The following NCOA4 variants were observed in gnomAD, a reference collection of about 807,000 sequenced individuals.
The protein encoded by NCOA4 is 70 kDa AR-activator.
A neutral mutation model predicts 69.5 loss-of-function variants in NCOA4; 31 were observed. That is an observed-to-expected ratio of 0.45 (90% confidence interval 0.34 to 0.60). The LOEUF (loss-of-function observed/expected upper bound fraction) is 0.60, where lower values mean the gene tolerates loss of function less well. NCOA4 is among the 20% of genes least tolerant of loss of function. The pLI is 0.02. For synonymous variants in NCOA4, 228 were observed against 252.4 expected (o/e 0.90, Z 0.92); for missense variants, 600 against 719.2 (o/e 0.83, Z 1.90).
chr10:46,027,372 G>T lies in NCOA4; in HGVS notation c.-15+3154C>A. On this transcript the variant is annotated intron_variant, in intron 1 of 9. Transcript: ENST00000581486. ...ATGATTTAACAATCAAAGAAGATAA[G>T]CTAAGGACAATATGGCAGCTCCTCT... 4 of 1,464,234 alleles carry T rather than the reference G, an allele frequency of 2.7e-6. No individual in the cohort carries two copies. The South Asian group carries it at 3.7e-5, about 14-fold the overall frequency. The allele number at this position is 1,464,234 out of a possible 1,614,324, so 90.7% of individuals were successfully genotyped here.
In NCOA4 at chr10:46,013,595, A is replaced by G; in HGVS notation, c.525T>C (p.Ile175=). 3 of 1,613,624 alleles carry G rather than the reference A, an allele frequency of 1.9e-6. No individual in the cohort carries two copies. The highest frequency in any genetic ancestry group is 2.2e-5 in the South Asian group (2 of 91,012). Residue 175 remains isoleucine (I), a synonymous_variant, in exon 6 of 10, where the codon ATT becomes ATC. Transcript: ENST00000581486. ...AGCCTCTCTTCTCCAGGAAGGGCCC[A>G]ATATTTGCTGAACTAGCATGAGCCA... is the stretch of plus-strand genomic sequence containing the variant. ...HLMAHASSAN[I]GPFLEKRGCI...
chr10:46,028,915 A>G (rs562627890), intron 1 of NCOA4, among the ~76,000 whole-genome samples: 2 of 152,214 alleles, frequency 1.3e-5, no homozygotes, highest in South Asian at 4.1e-4. Flanking sequence ...GGAAAGTATT[A>G]TAAAACACTA....
Position 46,005,217 on chromosome 10 carries a change from C to T in NCOA4, c.*1375G>A, listed in dbSNP as rs1472586221. ...TTGTAAAATACAGTGTGTTTGGCCT[C>T]AAGAAACTACAGAGCTGCAACTCAA... On this transcript the variant is annotated 3_prime_UTR_variant, in exon 10 of 10. Transcript: ENST00000581486. 1 of 211,822 alleles carries T rather than the reference C, an allele frequency of 4.7e-6. No individual in the cohort carries two copies. Among genetic ancestry groups the T allele is most frequent in the Non-Finnish European group, 9.6e-6 (1 of 104,240 alleles). 13.1% of individuals were successfully genotyped at this position (211,822 alleles called of 1,614,324 possible). A position where few individuals can be genotyped will look rare whatever the true frequency, so the allele number is the denominator to read the frequency against.
chr10:46,026,966 T>G (rs1256947500), intron 1 of NCOA4, among the ~76,000 whole-genome samples: 1 of 152,168 alleles, frequency 6.6e-6, no homozygotes, highest in South Asian at 2.1e-4. Context: ...CAACTTGGGA[T>G]AAGAATGACT....
chr10:46,023,452 C>T, intron 1 of NCOA4: 6 of 985,704 alleles, frequency 6.1e-6, no homozygotes, highest in African/African-American at 3.5e-5. Flanking sequence ...CACGGCAACT[C>T]CAGTTCGCCC....
At chr10:46,013,050 G>A in intron 6 of NCOA4, 24 bp from the exon 7 acceptor site, 1 of 1,611,214 alleles carries the variant, frequency 6.2e-7, no homozygotes, top group Non-Finnish European at 8.5e-7. Flanking sequence ...AACAAGGAAT[G>A]TCAAATGCAG....
At chr10:46,030,456 A>ATC (rs1840403782) in intron 1 of NCOA4, 70 bp downstream of exon 1, 1 of 88,036 alleles carries the variant, frequency 1.1e-5, no homozygotes, top group Non-Finnish European at 2.9e-5. Flanking sequence ...CGGGTCGGGA[A>ATC]GGGGCGGACA....
intron 1 of NCOA4, chr10:46,023,224 G>C: frequency 2.1e-6 from 2 of 961,808 alleles, no homozygotes; most frequent in Non-Finnish European, 2.5e-6. Context: ...CGATTCGCAC[G>C]CAGTTGTGCA....
At chr10:46,012,856 G>A (rs1554922020) in intron 7 of NCOA4, 27 bp downstream of exon 7, 2 of 1,612,884 alleles carry the variant, frequency 1.2e-6, no homozygotes, top group Non-Finnish European at 1.7e-6. Context: ...TGTGTCTACT[G>A]TAGAAACAAT....
intron 1 of NCOA4, chr10:46,023,239 G>A: frequency 1.0e-6 from 1 of 979,030 alleles, no homozygotes; most frequent in Non-Finnish European, 1.2e-6. Flanking sequence ...TGTGCAGTCA[G>A]CCGCTGCGAC....
chr10:46,023,065 A>G (rs2132373544), intron 1 of NCOA4, among the ~76,000 whole-genome samples: 1 of 152,366 alleles, frequency 6.6e-6, no homozygotes, highest in Non-Finnish European at 1.5e-5. Flanking sequence ...AATTTTCTAA[A>G]GTAGTAACTG....
At chr10:46,017,641 T>A (rs1411494819) in intron 1 of NCOA4, among the ~76,000 whole-genome samples, 1 of 152,206 alleles carries the variant, frequency 6.6e-6, no homozygotes, top group Non-Finnish European at 1.5e-5. Context: ...GTGCATTATA[T>A]GTAACAGATT....
intron 1 of NCOA4, among the ~76,000 whole-genome samples, chr10:46,021,189 T>G (rs1437330987): frequency 2.0e-5 from 3 of 152,250 alleles, no homozygotes; most frequent in Admixed American, 6.5e-5. Context: ...AAGTCATTAC[T>G]GTATGGCTTA....
intron 1 of NCOA4, among the ~76,000 whole-genome samples, chr10:46,028,264 G>A (rs1239069621): frequency 6.6e-6 from 1 of 151,988 alleles, no homozygotes; most frequent in Non-Finnish European, 1.5e-5. Context: ...CCCTTAATAT[G>A]CTTTATTACT....
rs1280655693 is a variant in NCOA4 at position 46,005,611 on chromosome 10, G to C, written c.*981C>G. 9.1e-6 allele frequency: 2 copies of C among 220,076 alleles called. No individual in the cohort carries two copies. Among genetic ancestry groups the C allele is most frequent in the Non-Finnish European group, 1.8e-5 (2 of 109,506 alleles). 13.6% of individuals were successfully genotyped at this position (220,076 alleles called of 1,614,324 possible). On this transcript the variant is annotated 3_prime_UTR_variant, in exon 10 of 10. Transcript: ENST00000581486. ...CTTCAATGAACACCCCAAGGCACAA[G>C]TGTTGAAAACGGCCTGTTCACTAAA...
chr10:46,030,175 G>T (rs1287446484), intron 1 of NCOA4, among the ~76,000 whole-genome samples: 2 of 152,226 alleles, frequency 1.3e-5, no homozygotes, highest in East Asian at 3.9e-4. Flanking sequence ...GGGGAAGGCC[G>T]GCGGGGAGCA....
chr10:46,015,298 G>A, intron 2 of NCOA4, 32 bp from the exon 3 acceptor site: 2 of 1,325,240 alleles, frequency 1.5e-6, no homozygotes, highest in Middle Eastern at 2.6e-4. Flanking sequence ...GCTTCCTAGT[G>A]TTAATCCCAA....
intron 1 of NCOA4, among the ~76,000 whole-genome samples, chr10:46,030,203 G>A (rs1053821532): frequency 2.0e-4 from 30 of 152,292 alleles, no homozygotes; most frequent in African/African-American, 7.2e-4. Flanking sequence ...TCCGAGCCGG[G>A]TGTGAGGAGG....
chr10:46,019,161 G>A (rs1376309878), intron 1 of NCOA4, among the ~76,000 whole-genome samples: 1 of 152,170 alleles, frequency 6.6e-6, no homozygotes, highest in South Asian at 2.1e-4. Flanking sequence ...AGAAAGGGCT[G>A]CCTTAATTGG....
Sources: allele counts gnomAD v4.1 joint callset (sites outside exome capture counted in the v4.1 genomes callset), GRCh38; gene constraint gnomAD v4.1.1; transcripts MANE v1.5; gene names NCBI Gene and HGNC (gene_info 2026-07-23, HGNC 2026-07-21).